The following POLR3G variants were observed in gnomAD, a reference collection of about 807,000 sequenced individuals.
POLR3G encodes DNA-directed RNA polymerase III subunit RPC7.
A neutral mutation model predicts 30.1 loss-of-function variants in POLR3G; 28 were observed. That is an observed-to-expected ratio of 0.93 (90% CI 0.69 to 1.27). POLR3G has a LOEUF of 1.27. Ranked by LOEUF, POLR3G falls within the 50% of genes most tolerant of loss-of-function variation. The pLI, the probability that POLR3G is intolerant of heterozygous loss-of-function variation, is 0.00. For missense variants in POLR3G, 254 were observed against 264.6 expected (o/e 0.96, Z 0.28); for synonymous variants, 79 against 82.5 (o/e 0.96, Z 0.23).
intron 3 of POLR3G, 103 bp downstream of exon 3, chr5:90,488,232 TAAA>T (rs1277066893): frequency 1.9e-6 from 2 of 1,038,554 alleles, no homozygotes; most frequent in Non-Finnish European, 2.6e-6. Flanking sequence ...TTCGATTCAA[TAAA>T]AAATTATCAA....
At chr5:90,487,935 A>C in intron 2 of POLR3G, 65 bp from the exon 3 acceptor site, 2 of 1,329,092 alleles carry the variant, frequency 1.5e-6, no homozygotes, top group Non-Finnish European at 2.0e-6. Context: ...TCTATAATAC[A>C]GATAAAAGGG....
intron 7 of POLR3G, among the ~76,000 whole-genome samples, chr5:90,509,564 G>C (rs1580223047): frequency 6.6e-6 from 1 of 152,140 alleles, no homozygotes; most frequent in East Asian, 1.9e-4. Context: ...GCACACCAAA[G>C]TCTATTTTAG....
intron 3 of POLR3G, among the ~76,000 whole-genome samples, chr5:90,492,285 C>T (rs902339443): frequency 6.6e-6 from 1 of 152,160 alleles, no homozygotes; most frequent in Non-Finnish European, 1.5e-5. Flanking sequence ...TACAGTCAAT[C>T]TTTGAAAAAG....
chr5:90,481,758 CATTT>C (rs1412462077), intron 1 of POLR3G, among the ~76,000 whole-genome samples: 1 of 152,078 alleles, frequency 6.6e-6, no homozygotes, highest in Admixed American at 6.5e-5. Flanking sequence ...ACTGTAAAAA[CATTT>C]ATGTGATAAC....
At chr5:90,493,636 T>C (rs917031078) in intron 3 of POLR3G, among the ~76,000 whole-genome samples, 1 of 150,518 alleles carries the variant, frequency 6.6e-6, no homozygotes. Flanking sequence ...CAGTGACTTT[T>C]AATATAGCCA....
Position 90,497,012 on chromosome 5 carries a change from C to A in POLR3G, c.305-644C>A, listed in dbSNP as rs144751335. The stretch of plus-strand genomic sequence containing the variant: ...GCTTTGTAAAAATGCTCCAAATTTT[C>A]TTTAAAAGCAGGCAATATTTTTAAA... On this transcript the variant is annotated intron_variant, in intron 4 of 7. Transcript: ENST00000651687. Among the ~76,000 whole-genome samples the A allele has an allele frequency of 2.7e-4, 41 of 152,202 alleles. No homozygotes were observed. The East Asian group carries it at 7.9e-3, about 29-fold the overall frequency.
At chr5:90,481,502 T>G (rs935628547) in intron 1 of POLR3G, among the ~76,000 whole-genome samples, 2 of 152,240 alleles carry the variant, frequency 1.3e-5, no homozygotes, top group African/African-American at 2.4e-5. Flanking sequence ...TACAAACCAG[T>G]TGATGTCTCC....
chr5:90,508,045 C>G (rs1359328390), intron 7 of POLR3G, among the ~76,000 whole-genome samples: 1 of 152,176 alleles, frequency 6.6e-6, no homozygotes, highest in Non-Finnish European at 1.5e-5. Flanking sequence ...TTTTCCCTTT[C>G]AAATCTGACC....
intron 4 of POLR3G, among the ~76,000 whole-genome samples, chr5:90,497,396 C>T (rs7726781): frequency 0.25 from 38,135 of 151,938 alleles, 5,572 homozygotes; most frequent in African/African-American, 0.41. Context: ...CAAATAATTA[C>T]CATAAGGTTT....
chr5:90,479,452 G>A (rs1370381216), intron 1 of POLR3G, among the ~76,000 whole-genome samples: 2 of 152,112 alleles, frequency 1.3e-5, no homozygotes, highest in Non-Finnish European at 2.9e-5. Context: ...CAGCCTGGGC[G>A]ACAGAGCAAG....
At chr5:90,506,940 A>G (rs1752515870) in intron 7 of POLR3G, among the ~76,000 whole-genome samples, 1 of 152,238 alleles carries the variant, frequency 6.6e-6, no homozygotes. Context: ...TCTGCAAGTT[A>G]AGGAGATTGA....
Position 90,501,912 on chromosome 5 carries a change from C to T in POLR3G, c.362C>T (p.Pro121Leu). 1 of 1,613,004 alleles carries T rather than the reference C, an allele frequency of 6.2e-7. No individual in the cohort carries two copies. Among genetic ancestry groups the T allele is most frequent in the Non-Finnish European group, 8.5e-7 (1 of 1,179,440 alleles). ...ACTGGTAGTTTTACTTCAGCAGGCC[C>T]AAAACCCAAAAAGGCAAAAGACGCA... ...MPRNKCKKAGPKPKKAKDAGK... is the reference protein window; with the variant it reads ...MPRNKCKKAGLKPKKAKDAGK... Residue 121 changes from proline to leucine, a missense_variant, in exon 6 of 8, where the codon CCA (proline) becomes CTA (leucine). Coordinates refer to ENST00000651687, the MANE Select transcript of POLR3G (RefSeq NM_006467.3).
intron 3 of POLR3G, among the ~76,000 whole-genome samples, 185 bp downstream of exon 3, chr5:90,488,314 T>C (rs1206294357): frequency 6.6e-6 from 1 of 152,334 alleles, no homozygotes; most frequent in East Asian, 1.9e-4. Flanking sequence ...TATTTTATTT[T>C]TAGAAATATC....
chr5:90,474,172 C>G, upstream of POLR3G: 1 of 1,604,038 alleles, frequency 6.2e-7, no homozygotes, highest in Non-Finnish European at 8.5e-7. Context: ...ATCACCACGT[C>G]CTGCTCGGAG....
At position 90,494,175 on chromosome 5, in the gene POLR3G, G is replaced by C. The variant is rs548941148; in HGVS notation, c.248-1502G>C. Among the ~76,000 whole-genome samples, 7 of 152,258 alleles carry C rather than the reference G, an allele frequency of 4.6e-5. No individual in the cohort carries two copies. In the South Asian group the frequency reaches 1.2e-3, roughly 27 times the overall value. ...ATGGAATGATGTAACATGTGTCTTT[G>C]GCTTCTTTCACTTGCCATAATGTTT... On this transcript the variant is annotated intron_variant, in intron 3 of 7. Coordinates refer to ENST00000651687, the MANE Select transcript of POLR3G (RefSeq NM_006467.3).
In POLR3G at chr5:90,502,453, TTATC is replaced by T. The variant is rs1327698889; in HGVS notation, c.438+468_438+471del. The T allele has an allele frequency of 1.3e-5, 10 of 760,652 alleles. No homozygotes were observed. In the South Asian group the frequency reaches 1.8e-4, roughly 14 times the overall value. 47.1% of individuals were successfully genotyped at this position (760,652 alleles called of 1,614,324 possible). Reference sequence around the variant, plus strand: ...ATAGAACTTATTTTTATAGCTTTCTTTATCTAAATATTTCAAAAATAAAAAAATG... The same window carrying T: ...ATAGAACTTATTTTTATAGCTTTCTTTAAATATTTCAAAAATAAAAAAATG... On this transcript the variant is annotated intron_variant, in intron 6 of 7. Transcript: ENST00000651687.
rs771927662 is a variant in POLR3G, at chr5:90,513,011, T to G, written c.*872T>G. Reference sequence around the variant, plus strand: ...CCTTTTATGTTTCAGAGTACTCAAGTGTACAATTGATTTATATAAAAATGC... The same window carrying G: ...CCTTTTATGTTTCAGAGTACTCAAGGGTACAATTGATTTATATAAAAATGC... On this transcript the variant is annotated 3_prime_UTR_variant, in exon 8 of 8. Coordinates refer to ENST00000651687, the MANE Select transcript of POLR3G (RefSeq NM_006467.3). The G allele has an allele frequency of 2.0e-5, 3 of 152,066 alleles. No individual in the cohort carries two copies. The highest frequency in any genetic ancestry group is 4.8e-5 in the African/African-American group (2 of 41,426). 9.4% of individuals were successfully genotyped at this position (152,066 alleles called of 1,614,324 possible).
chr5:90,482,574 T>C (rs113143705), intron 1 of POLR3G, among the ~76,000 whole-genome samples: 1 of 152,214 alleles, frequency 6.6e-6, no homozygotes, highest in Non-Finnish European at 1.5e-5. Context: ...TTAGAAATTA[T>C]AGTTTCGGAG....
intron 6 of POLR3G, among the ~76,000 whole-genome samples, chr5:90,504,298 CG>C (rs1362666585): frequency 2.6e-5 from 4 of 151,992 alleles, no homozygotes; most frequent in African/African-American, 9.7e-5. Context: ...CCGTGGCTCA[CG>C]CCTGTAATCT....
Sources: gnomAD v4.1 joint callset for allele counts (sites outside exome capture counted in the v4.1 genomes callset) on GRCh38, gnomAD v4.1.1 for gene constraint, MANE v1.5 for transcripts, NCBI Gene and HGNC (gene_info 2026-07-23, HGNC 2026-07-21) for gene names.